INSYN2B: variants seen among roughly 807,000 people sequenced by gnomAD.
The protein encoded by INSYN2B is inhibitory synaptic factor family member 2B.
Under a neutral mutation model 41.2 loss-of-function variants are expected in INSYN2B, and 16 were observed. The ratio of observed to expected loss-of-function variants is 0.39; its 90% CI spans 0.26 to 0.59. The LOEUF is 0.59. Ranked by LOEUF, INSYN2B falls within the 20% of genes least tolerant of loss-of-function variation. INSYN2B has a pLI of 0.57. For missense variants in INSYN2B, 608 were observed against 646.4 expected (o/e 0.94, Z 0.64); for synonymous variants, 245 against 244.4 (o/e 1.00, Z -0.02).
chr5:169,929,759 AAAAG>A (rs1355301067), intron 1 of INSYN2B, among the ~76,000 whole-genome samples: 6 of 151,438 alleles, frequency 4.0e-5, no homozygotes, highest in Admixed American at 2.0e-4. Context: ...AAAAAAAAAA[AAAAG>A]AGAGAGAGAG....
chr5:169,964,096 C>T (rs1777201256), intron 1 of INSYN2B, among the ~76,000 whole-genome samples: 1 of 152,142 alleles, frequency 6.6e-6, no homozygotes, highest in South Asian at 2.1e-4. Flanking sequence ...ACCTTCCCTG[C>T]CATCTACCAC....
chr5:169,891,567 A>G (rs985746052), intron 1 of INSYN2B, among the ~76,000 whole-genome samples: 1 of 152,130 alleles, frequency 6.6e-6, no homozygotes, highest in African/African-American at 2.4e-5. Flanking sequence ...TGTTCTAGAA[A>G]ATGTAGGGGA....
chr5:169,941,298 C>A (rs187464577), intron 1 of INSYN2B, among the ~76,000 whole-genome samples: 16 of 152,294 alleles, frequency 1.1e-4, no homozygotes, highest in African/African-American at 3.6e-4. Context: ...ACCTCTGCCT[C>A]CTGGGTTCAA....
chr5:169,898,859 G>A (rs261061), intron 1 of INSYN2B, among the ~76,000 whole-genome samples: 30,769 of 152,126 alleles, frequency 0.2, 4,493 homozygotes, highest in African/African-American at 0.41. Context: ...GTTTGCTGCC[G>A]TTGTGTAAAG....
intron 1 of INSYN2B, among the ~76,000 whole-genome samples, chr5:169,972,591 G>C (rs1304287859): frequency 2.4e-5 from 3 of 126,800 alleles, no homozygotes; most frequent in Non-Finnish European, 4.9e-5. Context: ...ATAGATGATA[G>C]ATAGATAGAT....
At chr5:169,865,482 A>G (rs943261282) in intron 3 of INSYN2B, among the ~76,000 whole-genome samples, 2 of 152,192 alleles carry the variant, frequency 1.3e-5, no homozygotes, top group African/African-American at 4.8e-5. Context: ...CGGGGCAGAA[A>G]AAACGAATCC....
intron 1 of INSYN2B, among the ~76,000 whole-genome samples, chr5:169,887,602 T>G (rs1773045211): frequency 6.6e-6 from 1 of 152,262 alleles, no homozygotes; most frequent in Non-Finnish European, 1.5e-5. Context: ...TGTCTAGTTA[T>G]ACAATTATCT....
At chr5:169,978,321 A>C (rs942214209) in intron 1 of INSYN2B, among the ~76,000 whole-genome samples, 48 of 130,968 alleles carry the variant, frequency 3.7e-4, no homozygotes, top group African/African-American at 1.4e-3. Context: ...GGCAAGGCAA[A>C]CTGGTAGCCT....
rs1053441269 is a variant in INSYN2B, at chr5:169,883,764, A to G, written c.135T>C (p.Thr45=). 6.4e-7 allele frequency: 1 copy of G among 1,551,640 alleles called. No individual in the cohort carries two copies. The highest frequency in any genetic ancestry group is 2.0e-5 in the Admixed American group (1 of 51,004). Residue 45 remains threonine, a synonymous_variant, in exon 2 of 4, where the codon ACT becomes ACC. Transcript: ENST00000377365. Reference sequence around the variant, plus strand: ...CCTCAGCTAGGCCAGTTGGATTCTTAGTGGTCCCATCTTCCTTGAATCTCA... The same window carrying G: ...CCTCAGCTAGGCCAGTTGGATTCTTGGTGGTCCCATCTTCCTTGAATCTCA... The part of the protein sequence containing the change: ...QQVRFKEDGT[T]KNPTGLAEVD...
At chr5:169,932,081 A>C (rs1775781183) in intron 1 of INSYN2B, among the ~76,000 whole-genome samples, 1 of 152,206 alleles carries the variant, frequency 6.6e-6, no homozygotes, top group South Asian at 2.1e-4. Context: ...GTAAACAAAG[A>C]AGATACAACA....
At chr5:169,936,403 G>A (rs1775997493) in intron 1 of INSYN2B, among the ~76,000 whole-genome samples, 2 of 152,094 alleles carry the variant, frequency 1.3e-5, no homozygotes, top group African/African-American at 2.4e-5. Flanking sequence ...AGGAAACTGA[G>A]GATCCAGGAA....
chr5:169,901,235 GA>G (rs1210723496), intron 1 of INSYN2B, among the ~76,000 whole-genome samples: 2 of 152,192 alleles, frequency 1.3e-5, no homozygotes, highest in African/African-American at 4.8e-5. Flanking sequence ...CACTGGCTCT[GA>G]TGCAAGAAAG....
At chr5:169,867,685 C>T (rs1241267138) in intron 3 of INSYN2B, among the ~76,000 whole-genome samples, 4 of 151,910 alleles carry the variant, frequency 2.6e-5, no homozygotes, top group Admixed American at 1.3e-4. Context: ...CTATTGATCC[C>T]CCCACACACA....
At position 169,861,942 on chromosome 5, in the gene INSYN2B, T is replaced by TC. The variant is rs1771226336; in HGVS notation, c.*2330_*2331insG. On this transcript the variant is annotated 3_prime_UTR_variant, in exon 4 of 4. Transcript: ENST00000377365. The stretch of plus-strand genomic sequence containing the variant: ...TTTTTTCTTTTCTTTTCTTTTCTTT[T>TC]TTTTTTGTTGGGGAAGTGCAGAAAA... 1.3e-5 allele frequency among the ~76,000 whole-genome samples: 2 copies of TC among 151,856 alleles called. 1 individual carries two copies. Among genetic ancestry groups the TC allele is most frequent in the South Asian group, 4.2e-4 (2 of 4,806 alleles).
intron 1 of INSYN2B, among the ~76,000 whole-genome samples, chr5:169,937,564 A>G (rs1776047595): frequency 6.6e-6 from 1 of 152,248 alleles, no homozygotes. Context: ...GAGTACTTAT[A>G]TGTTCTAGAC....
At chr5:169,874,169 T>G (rs985562319) in intron 3 of INSYN2B, among the ~76,000 whole-genome samples, 2 of 152,052 alleles carry the variant, frequency 1.3e-5, no homozygotes, top group African/African-American at 4.8e-5. Context: ...TCCCAACACT[T>G]TGGGAGGCCA....
intron 1 of INSYN2B, among the ~76,000 whole-genome samples, chr5:169,896,935 C>T (rs578216972): frequency 5.9e-5 from 9 of 152,130 alleles, no homozygotes; most frequent in Non-Finnish European, 1.0e-4. Flanking sequence ...TCAACTTTGA[C>T]GTGAGCTTCC....
intron 1 of INSYN2B, among the ~76,000 whole-genome samples, chr5:169,962,939 G>T (rs780024334): frequency 4.6e-5 from 7 of 152,256 alleles, no homozygotes; most frequent in Non-Finnish European, 7.4e-5. Context: ...CCTAGGCCAG[G>T]TATAGGATGG....
intron 1 of INSYN2B, among the ~76,000 whole-genome samples, chr5:169,964,910 C>T (rs924732756): frequency 9.2e-5 from 14 of 152,248 alleles, no homozygotes; most frequent in Admixed American, 9.2e-4. Context: ...AAAGGTGAGT[C>T]TCCGTCGCTC....
Sources: allele counts gnomAD v4.1 joint callset (sites outside exome capture counted in the v4.1 genomes callset), GRCh38; gene constraint gnomAD v4.1.1; transcripts MANE v1.5; gene names NCBI Gene and HGNC (gene_info 2026-07-23, HGNC 2026-07-21).